C10orf53: variants seen among roughly 807,000 people sequenced by gnomAD.
C10orf53 encodes the protein UPF0728 protein C10orf53.
Under a neutral mutation model 9.4 loss-of-function variants are expected in C10orf53, and 8 were observed. That is an observed-to-expected ratio of 0.85 (90% CI 0.50 to 1.53). The LOEUF is 1.53. C10orf53 is among the 40% of genes most tolerant of loss of function. C10orf53 has a pLI of 0.00. For synonymous variants in C10orf53, 48 were observed against 46.0 expected (o/e 1.04, Z -0.18); for missense variants, 117 against 117.8 (o/e 0.99, Z 0.03).
intron 2 of C10orf53, among the ~76,000 whole-genome samples, chr10:49,705,401 G>C (rs1280786938): frequency 6.6e-6 from 1 of 152,158 alleles, no homozygotes; most frequent in Non-Finnish European, 1.5e-5. Context: ...AAATAAGGCA[G>C]TTGTATTTAG....
Position 49,694,822 on chromosome 10 carries a change from C to G in C10orf53, c.*220C>G. 1 of 1,372,042 alleles carries G rather than the reference C, an allele frequency of 7.3e-7. No homozygotes were observed. Among genetic ancestry groups the G allele is most frequent in the South Asian group, 1.9e-5 (1 of 53,270 alleles). The allele number at this position is 1,372,042 out of a possible 1,614,324, so 85.0% of individuals were successfully genotyped here. ...AAAAACCACATCATTTATAACATGT[C>G]TCAATCTCAACCCATAGGGAGAGCC... On this transcript the variant is annotated 3_prime_UTR_variant, in exon 3 of 3. Transcript: ENST00000374111.
intron 2 of C10orf53, among the ~76,000 whole-genome samples, chr10:49,705,076 A>C (rs1258121799): frequency 1.3e-5 from 2 of 152,248 alleles, no homozygotes; most frequent in African/African-American, 4.8e-5. Context: ...ATGGAGTCCT[A>C]TGTGTCCAGT....
At chr10:49,694,293 G>T in intron 2 of C10orf53, 1 of 612,212 alleles carries the variant, frequency 1.6e-6, no homozygotes, top group Non-Finnish European at 2.8e-6. Context: ...TATGCCAGCA[G>T]TGCATGACAC....
chr10:49,694,564 T>A lies in C10orf53; in HGVS notation c.244T>A (p.Cys82Ser). Residue 82 changes from cysteine (C) to serine (S), a missense_variant, in exon 3 of 3, where the codon TGT becomes AGT. Cys to Ser is a moderately radical substitution (Grantham distance 112). Transcript: ENST00000374111. ...AGGCGATGGTAAACTAGACCCACTG[T>A]GTGAAAAGGCCAGGATAGCCGTGCT... ...FGGDGKLDPL[C>S]EKARIAVLNA... is the part of the protein sequence containing the mutation. 6.2e-7 allele frequency: 1 copy of A among 1,614,246 alleles called. No homozygotes were observed.
At chr10:49,688,872 C>T (rs914356651) in intron 1 of C10orf53, among the ~76,000 whole-genome samples, 1 of 152,198 alleles carries the variant, frequency 6.6e-6, no homozygotes, top group Non-Finnish European at 1.5e-5. Context: ...GTCAACACTT[C>T]CCTCTGCCTC....
chr10:49,689,035 T>C (rs1840556805), intron 1 of C10orf53, among the ~76,000 whole-genome samples: 1 of 152,216 alleles, frequency 6.6e-6, no homozygotes, highest in Non-Finnish European at 1.5e-5. Flanking sequence ...TCTGGTTCTG[T>C]TCTCTGCTGG....
exon 3 of C10orf53, chr10:49,709,695 C>T (rs999988348): frequency 6.6e-6 from 1 of 152,502 alleles, no homozygotes; most frequent in Non-Finnish European, 1.5e-5. Flanking sequence ...GAGCCTCACT[C>T]ACCTGTTCCC....
intron 2 of C10orf53, among the ~76,000 whole-genome samples, chr10:49,706,323 T>C (rs865977380): frequency 6.6e-6 from 1 of 152,194 alleles, no homozygotes; most frequent in African/African-American, 2.4e-5. Context: ...GTAGCCGAAG[T>C]TGGAAATAAC....
chr10:49,705,005 T>G (rs1183812976), intron 2 of C10orf53, among the ~76,000 whole-genome samples: 2 of 152,226 alleles, frequency 1.3e-5, no homozygotes, highest in Non-Finnish European at 2.9e-5. Flanking sequence ...AACAAAAGAT[T>G]GAAAGCTGCC....
chr10:49,700,480 C>T (rs541047939), downstream of C10orf53, among the ~76,000 whole-genome samples: 9 of 152,270 alleles, frequency 5.9e-5, no homozygotes, highest in African/African-American at 2.2e-4. Context: ...CCCTCTGGGC[C>T]TCATGTTCTT....
chr10:49,694,479 G>A, intron 2 of C10orf53, 59 bp from the exon 3 acceptor site: 1 of 1,606,144 alleles, frequency 6.2e-7, no homozygotes, highest in East Asian at 2.2e-5. Flanking sequence ...AGGTATGTCT[G>A]ATATGATAAC....
chr10:49,681,770 G>A (rs1840481028), intron 1 of C10orf53, among the ~76,000 whole-genome samples: 1 of 152,150 alleles, frequency 6.6e-6, no homozygotes, highest in Admixed American at 6.5e-5. Context: ...GCTCACTGGT[G>A]TCTCTTCTTA....
At chr10:49,694,227 A>G (rs1286580545) in intron 2 of C10orf53, 1 of 576,596 alleles carries the variant, frequency 1.7e-6, no homozygotes, top group African/African-American at 1.9e-5. Context: ...TTGCTTTCGA[A>G]GCTGCTTTTT....
chr10:49,694,354 C>T, intron 2 of C10orf53, 184 bp from the exon 3 acceptor site: 1 of 808,598 alleles, frequency 1.2e-6, no homozygotes. Flanking sequence ...TGGCACTGTG[C>T]GTGCCTCTCT....
chr10:49,710,001 CTG>C (rs1193665523), exon 3 of C10orf53: 17 of 45,390 alleles, frequency 3.7e-4, no homozygotes, highest in Non-Finnish European at 5.6e-4. Flanking sequence ...GTGTGTGTGT[CTG>C]TGTGTGTGTG....
At chr10:49,710,041 C>T (rs998333601) in exon 3 of C10orf53, 1 of 152,740 alleles carries the variant, frequency 6.5e-6, no homozygotes, top group African/African-American at 2.4e-5. Context: ...GGTCATAGAG[C>T]TCCTCAAAGC....
chr10:49,709,973 C>CTGTGTGTGTGTGTGTGTGTGTGTCTG (rs1840752900), exon 3 of C10orf53: 3 of 31,358 alleles, frequency 9.6e-5, no homozygotes, highest in Non-Finnish European at 3.9e-4. Flanking sequence ...GTGTGTGTGT[C>CTGTGTGTGTGTGTGTGTGTGTGTCTG]TGTGTGTGTG....
At chr10:49,694,492 A>T (rs757415199) in intron 2 of C10orf53, 46 bp from the exon 3 acceptor site, 2 of 1,611,940 alleles carry the variant, frequency 1.2e-6, no homozygotes, top group Non-Finnish European at 1.7e-6. Context: ...ATGATAACAA[A>T]TTGTATATAA....
At chr10:49,692,026 C>T (rs1840589925) in intron 1 of C10orf53, among the ~76,000 whole-genome samples, 2 of 152,176 alleles carry the variant, frequency 1.3e-5, no homozygotes, top group South Asian at 2.1e-4. Context: ...GCAGCTCCGC[C>T]GTCCTGAGGG....
Sources: gnomAD v4.1 joint callset for allele counts (sites outside exome capture counted in the v4.1 genomes callset) on GRCh38, gnomAD v4.1.1 for gene constraint, MANE v1.5 for transcripts, NCBI Gene and HGNC (gene_info 2026-07-23, HGNC 2026-07-21) for gene names.